The following AOC3 variants were observed in gnomAD, a reference collection of about 807,000 sequenced individuals.
AOC3 encodes amine oxidase [copper-containing] 3.
Under a neutral mutation model 55.4 loss-of-function variants are expected in AOC3, and 47 were observed. That is an observed-to-expected ratio of 0.85 (90% confidence interval 0.67 to 1.08). The LOEUF (loss-of-function observed/expected upper bound fraction) is 1.08, where lower values mean the gene tolerates loss of function less well. Ranked by LOEUF, AOC3 falls within the 50% of genes least tolerant of loss-of-function variation. AOC3 has a pLI of 0.00. For missense variants in AOC3, 853 were observed against 993.1 expected, an observed-to-expected ratio of 0.86 and a Z score of 1.90; for synonymous variants, 386 against 410.7, an observed-to-expected ratio of 0.94 and a Z score of 0.73.
rs368542870 is a variant in AOC3 at position 42,852,432 on chromosome 17, A to G, written c.1089A>G (p.Ile363Met). ...AAGGAGAAAGACTAGTTTATGAGATAAGCCTCCAAGAGGCCTTGGCCATCT... is the reference window on the plus strand; with the variant it reads ...AAGGAGAAAGACTAGTTTATGAGATGAGCCTCCAAGAGGCCTTGGCCATCT... The part of the protein sequence containing the change: ...RFQGERLVYE[I>M]SLQEALAIYG... Residue 363 changes from isoleucine to methionine, a missense_variant, in exon 1 of 4, where the codon ATA becomes ATG. Coordinates refer to ENST00000308423, the MANE Select transcript of AOC3 (RefSeq NM_003734.4). 2 of 1,614,092 alleles carry G rather than the reference A, an allele frequency of 1.2e-6. No homozygotes were observed. Among genetic ancestry groups the G allele is most frequent in the African/African-American group, 2.7e-5 (2 of 74,920 alleles).
Position 42,856,684 on chromosome 17 carries a change from C to T in AOC3, c.*134C>T, listed in dbSNP as rs928539346. 3.5e-5 allele frequency: 37 copies of T among 1,067,046 alleles called. No individual in the cohort carries two copies. The highest frequency in any genetic ancestry group is 1.3e-4 in the African/African-American group (8 of 63,256). The allele number at this position is 1,067,046 out of a possible 1,614,324, so 66.1% of individuals were successfully genotyped here. A position where few individuals can be genotyped will look rare whatever the true frequency, so the allele number is the denominator to read the frequency against. On this transcript the variant is annotated 3_prime_UTR_variant, in exon 4 of 4. Coordinates refer to ENST00000308423, the MANE Select transcript of AOC3 (RefSeq NM_003734.4). ...GACTCTCTTTCTTCCACTACCCTCC[C>T]TCGCATCCGCCTCTGAGCCAGGAGC...
At position 42,851,881 on chromosome 17, in the gene AOC3, G is replaced by A. The variant is rs1226516942; in HGVS notation, c.538G>A (p.Asp180Asn). 1.2e-6 allele frequency: 2 copies of A among 1,613,740 alleles called. No homozygotes were observed. The highest frequency in any genetic ancestry group is 1.1e-5 in the South Asian group (1 of 91,086). Residue 180 changes from aspartate (D) to asparagine (N), a missense_variant, in exon 1 of 4, where the codon GAC becomes AAC. Transcript: ENST00000308423. ...GCTGTTCCAAGAGTACCTGGACATA[G>A]ACCAGATGATCTTCAACAGAGAGCT... ...PVLFQEYLDI[D>N]QMIFNRELPQ...
Position 42,856,528 on chromosome 17 carries a change from A to T in AOC3, c.2270A>T (p.His757Leu), listed in dbSNP as rs1441479610. The change falls in exon 4 of 4, where the codon CAC becomes CTC. Residue 757 changes from histidine to leucine, a missense_variant. Coordinates refer to ENST00000308423, the MANE Select transcript of AOC3 (RefSeq NM_003734.4). ...ACAPDLPAFSHGGFSHN is the reference protein window; with the variant it reads ...ACAPDLPAFSLGGFSHN ...GCCCCCGACCTCCCTGCCTTCTCCC[A>T]CGGGGGCTTCTCTCACAACTAGGCG... 1 of 1,604,006 alleles carries T rather than the reference A, an allele frequency of 6.2e-7. No homozygotes were observed. The highest frequency in any genetic ancestry group is 1.3e-5 in the African/African-American group (1 of 74,586).
At position 42,851,427 on chromosome 17, in the gene AOC3, G is replaced by A; in HGVS notation, c.84G>A (p.Arg28=). The stretch of plus-strand genomic sequence containing the variant: ...TGGTTTGTGTCCTGCTGGTGGGCAG[G>A]GGTGGAGATGGGGGTGAACCCAGCC... ...FALVCVLLVG[R]GGDGGEPSQL... is the part of the protein sequence containing the mutation. The change falls in exon 1 of 4, where the codon AGG becomes AGA. Residue 28 remains arginine (R), a synonymous_variant. Coordinates refer to ENST00000308423, the MANE Select transcript of AOC3 (RefSeq NM_003734.4). The A allele has an allele frequency of 5.6e-6, 9 of 1,614,224 alleles. No individual in the cohort carries two copies. Among genetic ancestry groups the A allele is most frequent in the Non-Finnish European group, 7.6e-6 (9 of 1,180,026 alleles).
chr17:42,853,477 A>C (rs1317931539), intron 1 of AOC3: 1 of 856,404 alleles, frequency 1.2e-6, no homozygotes, highest in Non-Finnish European at 1.4e-6. Flanking sequence ...GATCCCGTGG[A>C]GCATTCTGGA....
chr17:42,855,405 G>T, intron 2 of AOC3, 39 bp from the exon 3 acceptor site: 1 of 1,578,982 alleles, frequency 6.3e-7, no homozygotes. Flanking sequence ...CAGCAGGATG[G>T]GGTCAATGGC....
Position 42,857,834 on chromosome 17 carries a change from A to G in AOC3, c.*1284A>G, listed in dbSNP as rs893669653. On this transcript the variant is annotated 3_prime_UTR_variant, in exon 4 of 4. Transcript: ENST00000308423. ...TAGTATGCAGCTAAAAAATAATTGT[A>G]TGTCTTTATATACTAATATGTAATA... is the stretch of plus-strand genomic sequence containing the variant. The G allele has an allele frequency of 2.0e-5, 3 of 152,250 alleles. No homozygotes were observed. Among genetic ancestry groups the G allele is most frequent in the African/African-American group, 4.8e-5 (2 of 41,470 alleles). 9.4% of individuals were successfully genotyped at this position (152,250 alleles called of 1,614,324 possible).
At chr17:42,854,809 T>C (rs1419374691) in intron 2 of AOC3, 76 bp downstream of exon 2, 14 of 1,306,982 alleles carry the variant, frequency 1.1e-5, no homozygotes, top group South Asian at 2.0e-5. Flanking sequence ...CAGCTCACAC[T>C]GTAGGTGAGG....
intron 1 of AOC3, chr17:42,853,407 T>G (rs1033659888): frequency 6.0e-6 from 6 of 995,514 alleles, no homozygotes; most frequent in Non-Finnish European, 7.2e-6. Flanking sequence ...AGATGGACCC[T>G]CCTCCCTGAT....
intron 1 of AOC3, 120 bp downstream of exon 1, chr17:42,853,063 T>A: frequency 7.3e-7 from 1 of 1,375,002 alleles, no homozygotes; most frequent in Non-Finnish European, 9.7e-7. Context: ...TACTTCCCCT[T>A]TTGCTGGATG....
rs769740181 is a variant in AOC3 at position 42,852,572 on chromosome 17, A to G, written c.1229A>G (p.Tyr410Cys). The G allele has an allele frequency of 7.4e-6, 12 of 1,614,074 alleles. 1 individual carries two copies. The Admixed American group carries it at 1.2e-4, about 16-fold the overall frequency. Residue 410 changes from tyrosine to cysteine, a missense_variant, in exon 1 of 4, where the codon TAC becomes TGC. Physicochemically the swap from Tyr to Cys is radical, Grantham distance 194. Transcript: ENST00000308423. ...RGVDCPYLATYVDWHFLLESQ... is the reference protein window; with the variant it reads ...RGVDCPYLATCVDWHFLLESQ... ...GTGGACTGCCCCTACTTGGCCACCT[A>G]CGTGGACTGGCACTTCCTTTTGGAG... is the stretch of plus-strand genomic sequence containing the variant.
chr17:42,854,777 GA>G, intron 2 of AOC3, 44 bp downstream of exon 2: 1 of 1,444,292 alleles, frequency 6.9e-7, no homozygotes. Context: ...GTGAGAGTGG[GA>G]AAGGAGTGTT....
rs1347849560 is a variant in AOC3 at position 42,854,780 on chromosome 17, A to G, written c.1886+47A>G. On this transcript the variant is annotated intron_variant, in intron 2 of 3. Transcript: ENST00000308423. ...AGGAGGGGGGCAGTGAGAGTGGGAA[A>G]GGAGTGTTGGCGGACACTCAGCTCA... 4.9e-6 allele frequency: 7 copies of G among 1,439,824 alleles called. No homozygotes were observed. In the East Asian group the frequency reaches 7.8e-5, roughly 16 times the overall value. The allele number at this position is 1,439,824 out of a possible 1,614,324, so 89.2% of individuals were successfully genotyped here. A position where few individuals can be genotyped will look rare whatever the true frequency, so the allele number is the denominator to read the frequency against.
intron 1 of AOC3, chr17:42,853,345 C>T: frequency 9.8e-7 from 1 of 1,020,016 alleles, no homozygotes; most frequent in African/African-American, 1.7e-5. Flanking sequence ...TGCATTCTAC[C>T]ACGTCCCTGG....
rs1318860539 is a variant in AOC3, at chr17:42,851,531, T to C, written c.188T>C (p.Leu63Pro). 3.1e-6 allele frequency: 5 copies of C among 1,614,140 alleles called. No individual in the cohort carries two copies. The highest frequency in any genetic ancestry group is 4.2e-6 in the Non-Finnish European group (5 of 1,180,000). ...GGCCAGAGCCAGCTGTTTGCAGACC[T>C]GAGCCGAGAGGAGCTGACGGCTGTG... is the stretch of plus-strand genomic sequence containing the variant. ...HPGQSQLFAD[L>P]SREELTAVMR... Residue 63 changes from leucine (L) to proline (P), a missense_variant, in exon 1 of 4, where the codon CTG becomes CCG. Coordinates refer to ENST00000308423, the MANE Select transcript of AOC3 (RefSeq NM_003734.4).
Position 42,851,669 on chromosome 17 carries a change from C to T in AOC3, c.326C>T (p.Ala109Val). 1 of 1,612,902 alleles carries T rather than the reference C, an allele frequency of 6.2e-7. No individual in the cohort carries two copies. The highest frequency in any genetic ancestry group is 8.5e-7 in the Non-Finnish European group (1 of 1,179,972). ...VELQLPPKAAALAHLDRGSPP... is the reference protein window; with the variant it reads ...VELQLPPKAAVLAHLDRGSPP... ...TTGCAGCTGCCTCCCAAGGCTGCAG[C>T]CCTGGCTCACTTGGACAGGGGGAGC... Residue 109 changes from alanine to valine, a missense_variant, in exon 1 of 4, where the codon GCC (alanine) becomes GTC (valine). By Grantham distance (64) the Ala-to-Val change is moderately conservative. Transcript: ENST00000308423.
chr17:42,855,416 C>T, intron 2 of AOC3, 28 bp from the exon 3 acceptor site: 2 of 1,587,538 alleles, frequency 1.3e-6, no homozygotes. Flanking sequence ...GGTCAATGGC[C>T]ATGGAGGCCT....
chr17:42,855,825 C>T (rs185202317), intron 3 of AOC3, among the ~76,000 whole-genome samples: 14 of 152,298 alleles, frequency 9.2e-5, no homozygotes, highest in Non-Finnish European at 1.6e-4. Context: ...CCTTTCCAGG[C>T]TCCAGGACTC....
At position 42,852,899 on chromosome 17, in the gene AOC3, T is replaced by C. The variant is rs780467086; in HGVS notation, c.1556T>C (p.Val519Ala). The change falls in exon 1 of 4, where the codon GTC (valine) becomes GCC (alanine). Residue 519 changes from valine (V) to alanine (A), a missense_variant. Val to Ala is a moderately conservative substitution (Grantham distance 64). Coordinates refer to ENST00000308423, the MANE Select transcript of AOC3 (RefSeq NM_003734.4). ...NQVSEHTLGT[V>A]HTHSAHFKVD... ...GTGTCAGAGCACACCCTGGGCACGGTCCACACCCACAGCGCCCACTTCAAG... is the reference window on the plus strand; with the variant it reads ...GTGTCAGAGCACACCCTGGGCACGGCCCACACCCACAGCGCCCACTTCAAG... 6.2e-7 allele frequency: 1 copy of C among 1,610,282 alleles called. No homozygotes were observed. Among genetic ancestry groups the C allele is most frequent in the South Asian group, 1.1e-5 (1 of 91,046 alleles).
Sources: allele counts gnomAD v4.1 joint callset (sites outside exome capture counted in the v4.1 genomes callset), GRCh38; gene constraint gnomAD v4.1.1; transcripts MANE v1.5; gene names NCBI Gene and HGNC (gene_info 2026-07-23, HGNC 2026-07-21).